Variants in KCNIP4 observed in about 807,000 individuals in gnomAD.
The protein encoded by KCNIP4 is Kv channel-interacting protein 4.
KCNIP4 carries 12 observed loss-of-function variants against 34.0 expected under a neutral mutation model. That is an observed-to-expected ratio of 0.35 (90% CI 0.23 to 0.57). KCNIP4 has a LOEUF of 0.57. KCNIP4 is among the 20% of genes least tolerant of loss of function. The pLI is 0.83. For synonymous variants in KCNIP4, 124 were observed against 102.2 expected (o/e 1.21, Z -1.29); for missense variants, 238 against 311.7 (o/e 0.76, Z 1.78).
At chr4:21,197,217 A>T (rs1412509534) in intron 1 of KCNIP4, among the ~76,000 whole-genome samples, 2 of 152,182 alleles carry the variant, frequency 1.3e-5, no homozygotes, top group African/African-American at 4.8e-5. Context: ...TATTGCGAAC[A>T]TTCTTGCACA....
intron 1 of KCNIP4, among the ~76,000 whole-genome samples, chr4:21,763,785 C>G (rs146902672): frequency 6.6e-6 from 1 of 152,098 alleles, no homozygotes; most frequent in Admixed American, 6.6e-5. Flanking sequence ...TATACATCTT[C>G]CTTTTTGTTG....
chr4:21,599,598 C>T (rs1176032142), intron 1 of KCNIP4, among the ~76,000 whole-genome samples: 1 of 151,850 alleles, frequency 6.6e-6, no homozygotes, highest in African/African-American at 2.4e-5. Context: ...AAAATAATAC[C>T]ACAGTAAGTA....
rs370664841 is a variant in KCNIP4 at position 20,987,815 on chromosome 4, C to T, written c.62-105106G>A. On this transcript the variant is annotated intron_variant, in intron 1 of 8. Transcript: ENST00000382152. The stretch of plus-strand genomic sequence containing the variant: ...GAGATTGAGACCATACTGGCTAACA[C>T]GGTGAAACCCCGTCTCTACTAAAAA... Among the ~76,000 whole-genome samples the T allele has an allele frequency of 1.5e-3, 232 of 151,036 alleles. 2 individuals are homozygous for T. The highest frequency in any genetic ancestry group is 2.4e-3 in the Non-Finnish European group (160 of 67,746).
At chr4:21,529,307 C>G (rs528360380) in intron 1 of KCNIP4, among the ~76,000 whole-genome samples, 1 of 152,156 alleles carries the variant, frequency 6.6e-6, no homozygotes, top group East Asian at 1.9e-4. Context: ...AGAAAGGGTG[C>G]AAAATACATT....
chr4:21,746,819 T>C (rs1716811708), intron 1 of KCNIP4, among the ~76,000 whole-genome samples: 1 of 152,138 alleles, frequency 6.6e-6, no homozygotes, highest in African/African-American at 2.4e-5. Context: ...CAATTTTGTT[T>C]TATAAAATGC....
chr4:21,110,560 T>C (rs553079807), intron 1 of KCNIP4, among the ~76,000 whole-genome samples: 2 of 152,326 alleles, frequency 1.3e-5, no homozygotes, highest in African/African-American at 4.8e-5. Flanking sequence ...TTTAATTTTG[T>C]TTATATTTCA....
At chr4:21,742,074 T>G (rs921118426) in intron 1 of KCNIP4, among the ~76,000 whole-genome samples, 1 of 151,828 alleles carries the variant, frequency 6.6e-6, no homozygotes, top group Non-Finnish European at 1.5e-5. Context: ...AAACAAAAAA[T>G]ACTAGAAAAA....
intron 1 of KCNIP4, among the ~76,000 whole-genome samples, chr4:21,522,298 A>T (rs1420175525): frequency 6.6e-6 from 1 of 152,124 alleles, no homozygotes; most frequent in Non-Finnish European, 1.5e-5. Context: ...AATGAATAAC[A>T]TTATTGTACA....
At chr4:21,920,183 T>TCATAC (rs1560182395) in intron 1 of KCNIP4, among the ~76,000 whole-genome samples, 8 of 152,128 alleles carry the variant, frequency 5.3e-5, no homozygotes, top group Non-Finnish European at 1.2e-4. Flanking sequence ...ATGCAAAGGG[T>TCATAC]CAAATCATAC....
intron 1 of KCNIP4, among the ~76,000 whole-genome samples, chr4:21,064,428 C>CAATAGTATGTCATAACAATT: frequency 6.6e-6 from 1 of 151,764 alleles, no homozygotes; most frequent in African/African-American, 2.4e-5. Flanking sequence ...GAAAATGCTG[C>CAATAGTATGTCATAACAATT]AATAGTATGT....
chr4:21,679,427 T>C (rs755192542), intron 1 of KCNIP4, among the ~76,000 whole-genome samples: 6 of 152,188 alleles, frequency 3.9e-5, no homozygotes, highest in African/African-American at 1.2e-4. Context: ...TGTTGGATAA[T>C]TGAATCCTAG....
chr4:21,858,594 A>G (rs189883160), intron 1 of KCNIP4, among the ~76,000 whole-genome samples: 39 of 152,382 alleles, frequency 2.6e-4, no homozygotes, highest in African/African-American at 9.4e-4. Flanking sequence ...CTGTAATATT[A>G]CAATAAAAAT....
At chr4:21,377,535 T>C (rs1382907401) in intron 1 of KCNIP4, among the ~76,000 whole-genome samples, 1 of 152,194 alleles carries the variant, frequency 6.6e-6, no homozygotes, top group Non-Finnish European at 1.5e-5. Context: ...GGGAAATACG[T>C]GTATCAATTC....
At chr4:21,135,162 C>T (rs897560905) in intron 1 of KCNIP4, among the ~76,000 whole-genome samples, 1 of 152,216 alleles carries the variant, frequency 6.6e-6, no homozygotes, top group Non-Finnish European at 1.5e-5. Context: ...GTTCACCAGA[C>T]TGCCTCTTAT....
chr4:21,367,821 A>C (rs1719936658), intron 1 of KCNIP4, among the ~76,000 whole-genome samples: 1 of 147,678 alleles, frequency 6.8e-6, no homozygotes, highest in Non-Finnish European at 1.5e-5. Flanking sequence ...ACTAGCGTGT[A>C]AACACAGAAT....
At chr4:20,894,920 C>T (rs1182275777) in intron 1 of KCNIP4, among the ~76,000 whole-genome samples, 1 of 152,126 alleles carries the variant, frequency 6.6e-6, no homozygotes, top group Non-Finnish European at 1.5e-5. Flanking sequence ...CTTCTATGTG[C>T]TAAGTACCTT....
At position 20,926,513 on chromosome 4, in the gene KCNIP4, T is replaced by C. The variant is rs146124534; in HGVS notation, c.62-43804A>G. On this transcript the variant is annotated intron_variant, in intron 1 of 8. Coordinates refer to ENST00000382152, the MANE Select transcript of KCNIP4 (RefSeq NM_025221.6). ...ACATTGCAAGACACCTTCAGCTGCA[T>C]TCATGAAGAGTGCTGTTTATATTGT... Among the ~76,000 whole-genome samples the C allele has an allele frequency of 2.0e-3, 305 of 152,330 alleles. 1 individual carries two copies. Among genetic ancestry groups the C allele is most frequent in the African/African-American group, 7.0e-3 (292 of 41,568 alleles).
chr4:20,788,066 T>A (rs1712239410), intron 3 of KCNIP4, among the ~76,000 whole-genome samples: 1 of 152,172 alleles, frequency 6.6e-6, no homozygotes, highest in African/African-American at 2.4e-5. Context: ...GATAGTTCAT[T>A]TACTTGTATG....
At chr4:21,227,408 C>T (rs1326422981) in intron 1 of KCNIP4, among the ~76,000 whole-genome samples, 1 of 152,182 alleles carries the variant, frequency 6.6e-6, no homozygotes, top group Non-Finnish European at 1.5e-5. Flanking sequence ...CAAGACTGGA[C>T]TGTGGCCTGA....
Sources: gnomAD v4.1 joint callset for allele counts (sites outside exome capture counted in the v4.1 genomes callset) on GRCh38, gnomAD v4.1.1 for gene constraint, MANE v1.5 for transcripts, NCBI Gene and HGNC (gene_info 2026-07-23, HGNC 2026-07-21) for gene names.